Variants in ATP11C observed in about 807,000 individuals in gnomAD.
ATP11C encodes phospholipid-transporting ATPase IG.
Under a neutral mutation model 97.4 loss-of-function variants are expected in ATP11C, and 36 were observed. The observed-to-expected ratio is 0.37, with a 90% CI of 0.28 to 0.49. The LOEUF is 0.49. Ranked by LOEUF, ATP11C falls within the 20% of genes least tolerant of loss-of-function variation. The pLI, the probability that ATP11C is intolerant of heterozygous loss-of-function variation, is 0.98. For synonymous variants in ATP11C, 275 were observed against 290.9 expected (o/e 0.95, Z 0.56); for missense variants, 730 against 824.6 (o/e 0.89, Z 1.40).
chrX:139,782,940 A>G (rs1460429510), intron 17 of ATP11C, among the ~76,000 whole-genome samples: 1 of 112,244 alleles, frequency 8.9e-6, no homozygotes, highest in African/African-American at 3.2e-5. Context: ...AGGTTGTTGA[A>G]AAGTCTTTTA....
chrX:139,796,250 T>G, intron 12 of ATP11C, 23 bp downstream of exon 12: 1 of 1,096,651 alleles, frequency 9.1e-7, no homozygotes, highest in Non-Finnish European at 1.2e-6. Context: ...GACAAATTAT[T>G]TTAAGTAAAA....
chrX:139,934,715 G>C (rs2085507271), upstream of ATP11C, among the ~76,000 whole-genome samples: 1 of 109,314 alleles, frequency 9.1e-6, no homozygotes, highest in African/African-American at 3.3e-5. Flanking sequence ...ACCACACCCG[G>C]CTAATTTTTG....
intron 23 of ATP11C, among the ~76,000 whole-genome samples, chrX:139,757,570 T>C (rs1293204961): frequency 9.0e-6 from 1 of 111,099 alleles, no homozygotes; most frequent in Non-Finnish European, 1.9e-5. Context: ...AAAGAAAAAA[T>C]TCAAAATACT....
chrX:139,800,563 A>G lies in ATP11C; in HGVS notation c.660-453T>C, dbSNP rs181946915. Among the ~76,000 whole-genome samples, 19 of 111,940 alleles carry G rather than the reference A, an allele frequency of 1.7e-4. No homozygotes were observed. In the East Asian group the frequency reaches 5.3e-3, roughly 31 times the overall value. The stretch of plus-strand genomic sequence containing the variant: ...AGCGCTAATTAAACCACAGATTTCT[A>G]GGTCCCATCCCTGAGCTTCTGATTC... On this transcript the variant is annotated intron_variant, in intron 7 of 29. Coordinates refer to ENST00000682941, the MANE Select transcript of ATP11C (RefSeq NM_001353812.2).
intron 19 of ATP11C, among the ~76,000 whole-genome samples, chrX:139,770,513 G>A (rs2082232542): frequency 9.0e-6 from 1 of 111,721 alleles, no homozygotes; most frequent in Non-Finnish European, 1.9e-5. Flanking sequence ...ATATGATATG[G>A]ACAGTGCTTC....
intron 1 of ATP11C, among the ~76,000 whole-genome samples, chrX:139,840,798 C>A (rs2083817330): frequency 9.1e-6 from 1 of 110,205 alleles, no homozygotes; most frequent in Non-Finnish European, 1.9e-5. Flanking sequence ...GCATTGATTT[C>A]TCTGCAAGCA....
rs1210545891 is a variant in ATP11C, at chrX:139,764,919, T to C, written c.2392-1501A>G. The stretch of plus-strand genomic sequence containing the variant: ...ACAAAATTAAAGAACCCAAACTAAA[T>C]GTGTTTTTAATAGGCTACAATAATG... On this transcript the variant is annotated intron_variant, in intron 20 of 29. Transcript: ENST00000682941. Among the ~76,000 whole-genome samples the C allele has an allele frequency of 2.7e-5, 3 of 111,960 alleles. No individual in the cohort carries two copies. The Admixed American group carries it at 2.9e-4, about 11-fold the overall frequency.
rs758751517 is a variant in ATP11C, at chrX:139,736,919, A to G, written c.3288+997T>C. On this transcript the variant is annotated intron_variant, in intron 28 of 29. Coordinates refer to ENST00000682941, the MANE Select transcript of ATP11C (RefSeq NM_001353812.2). ...AAGGTTTTCCTACTCTAATCATTTCAGATCCCCATGTCTATGTAATATCAA... is the reference window on the plus strand; with the variant it reads ...AAGGTTTTCCTACTCTAATCATTTCGGATCCCCATGTCTATGTAATATCAA... 6.3e-5 allele frequency among the ~76,000 whole-genome samples: 7 copies of G among 111,745 alleles called. No individual in the cohort carries two copies. In the East Asian group the frequency reaches 1.7e-3, roughly 27 times the overall value.
At chrX:139,806,692 C>T (rs748889530) in intron 5 of ATP11C, among the ~76,000 whole-genome samples, 4 of 111,806 alleles carry the variant, frequency 3.6e-5, no homozygotes, top group Admixed American at 9.4e-5. Flanking sequence ...GAGGCTTCTA[C>T]TGAGTGTTCA....
intron 7 of ATP11C, among the ~76,000 whole-genome samples, chrX:139,800,897 CTCAT>C (rs1240193657): frequency 8.9e-6 from 1 of 111,945 alleles, no homozygotes; most frequent in Non-Finnish European, 1.9e-5. Context: ...TGAAGGCTTG[CTCAT>C]TCATTCATCA....
At chrX:139,865,849 G>T (rs1754658515) in intron 1 of ATP11C, among the ~76,000 whole-genome samples, 1 of 110,681 alleles carries the variant, frequency 9.0e-6, no homozygotes, top group Non-Finnish European at 1.9e-5. Flanking sequence ...ATCTTACAAA[G>T]AATTATTTGA....
chrX:139,787,784 C>A (rs1412373422), intron 14 of ATP11C, among the ~76,000 whole-genome samples: 1 of 112,380 alleles, frequency 8.9e-6, no homozygotes, highest in African/African-American at 3.2e-5. Flanking sequence ...GGCTAACACA[C>A]TGGGTGACCT....
At chrX:139,795,978 A>T (rs1275525133) in intron 12 of ATP11C, among the ~76,000 whole-genome samples, 4 of 112,129 alleles carry the variant, frequency 3.6e-5, no homozygotes, top group Non-Finnish European at 3.8e-5. Context: ...GGTGATGAAG[A>T]CTGTTTCCTG....
Position 139,743,607 on chromosome X carries a change from A to T in ATP11C, c.2982T>A (p.Thr994=). The change falls in exon 26 of 30, where the codon ACT becomes ACA. Residue 994 remains threonine, a synonymous_variant. Transcript: ENST00000682941. ...AGACTGTAAAAACAATGGTTCCAAA[A>T]GTCCAGTTTCCGTATACCTGAAAAA... ...EENGKVYGNW[T]FGTIVFTVLV... is the part of the protein sequence containing the mutation. The T allele has an allele frequency of 8.6e-7, 1 of 1,166,958 alleles. No homozygotes were observed. Among genetic ancestry groups the T allele is most frequent in the Non-Finnish European group, 1.2e-6 (1 of 863,142 alleles).
At chrX:139,904,880 C>A (rs2084951708) in intron 1 of ATP11C, among the ~76,000 whole-genome samples, 1 of 112,020 alleles carries the variant, frequency 8.9e-6, no homozygotes, top group African/African-American at 3.2e-5. Context: ...CATGCAGAGC[C>A]TAGCAGGTAG....
At position 139,819,286 on chromosome X, in the gene ATP11C, T is replaced by C. The variant is rs1471381972; in HGVS notation, c.237+52A>G. On this transcript the variant is annotated intron_variant, in intron 3 of 29. Coordinates refer to ENST00000682941, the MANE Select transcript of ATP11C (RefSeq NM_001353812.2). ...AGGTTAGAAATAGATTGAAAATTCGTTTAAAGCAATCAAGTTTCTAAAAGT... is the reference window on the plus strand; with the variant it reads ...AGGTTAGAAATAGATTGAAAATTCGCTTAAAGCAATCAAGTTTCTAAAAGT... 6 of 556,500 alleles carry C rather than the reference T, an allele frequency of 1.1e-5. No homozygotes were observed. The Admixed American group carries it at 1.5e-4, about 14-fold the overall frequency. 45.9% of individuals were successfully genotyped at this position (556,500 alleles called of 1,213,427 possible). A position where few individuals can be genotyped will look rare whatever the true frequency, so the allele number is the denominator to read the frequency against.
intron 1 of ATP11C, among the ~76,000 whole-genome samples, chrX:139,828,361 G>A (rs950321645): frequency 8.9e-6 from 1 of 111,987 alleles, no homozygotes; most frequent in African/African-American, 3.2e-5. Context: ...GTTTGCAACT[G>A]TAATATACAG....
At chrX:139,823,404 A>C (rs2083456366) in intron 2 of ATP11C, among the ~76,000 whole-genome samples, 1 of 112,334 alleles carries the variant, frequency 8.9e-6, no homozygotes, top group Non-Finnish European at 1.9e-5. Context: ...TAAACTTACT[A>C]AGCAAATTTC....
chrX:139,790,048 T>C (rs1184128372), intron 12 of ATP11C, among the ~76,000 whole-genome samples: 1 of 105,142 alleles, frequency 9.5e-6, no homozygotes, highest in Admixed American at 1.0e-4. Flanking sequence ...AAAAAAAAAG[T>C]GACTATTTTA....
Sources: gnomAD v4.1 joint callset for allele counts (sites outside exome capture counted in the v4.1 genomes callset) on GRCh38, gnomAD v4.1.1 for gene constraint, MANE v1.5 for transcripts, NCBI Gene and HGNC (gene_info 2026-07-23, HGNC 2026-07-21) for gene names.